SAFB2: variants seen among roughly 807,000 people sequenced by gnomAD.
SAFB2 encodes the protein scaffold attachment factor B2.
SAFB2 carries 32 observed loss-of-function variants against 100.6 expected under a neutral mutation model. That is an observed-to-expected ratio of 0.32 (90% CI 0.24 to 0.43). The LOEUF (loss-of-function observed/expected upper bound fraction) is 0.43. Ranked by LOEUF, SAFB2 falls within the 20% of genes least tolerant of loss-of-function variation. The pLI is 1.00. For synonymous variants in SAFB2, 500 were observed against 439.4 expected, an observed-to-expected ratio of 1.14 and a Z score of -1.72; for missense variants, 1,185 against 1,163.4, an observed-to-expected ratio of 1.02 and a Z score of -0.27.
In SAFB2 at chr19:5,587,373, T is replaced by C. The variant is rs770017959; in HGVS notation, c.2732A>G (p.His911Arg). Residue 911 changes from histidine (H) to arginine (R), a missense_variant, in exon 21 of 21, where the codon CAT becomes CGT. Around this residue, in one of 3 missense-constraint regions of SAFB2, gnomAD observed 740 missense variants for 687.1 expected, o/e 1.08. Transcript: ENST00000252542. The surrounding 1 kb of genome is among the most constrained non-coding windows in gnomAD (Gnocchi z 4.9). ...ACCTGGCACCACGTGGCCCTGGGAA[T>C]GTCCACCTTGTGCAAAGCCGCCTCG... Reference protein sequence around the residue: ...AGRGGFAQGGHSQGHVVPGGG... With the variant: ...AGRGGFAQGGRSQGHVVPGGG... 16 of 1,612,940 alleles carry C rather than the reference T, an allele frequency of 9.9e-6. No individual in the cohort carries two copies. The highest frequency in any genetic ancestry group is 1.7e-5 in the Admixed American group (1 of 59,874).
intron 2 of SAFB2, among the ~76,000 whole-genome samples, chr19:5,621,023 T>C (rs1035531438): frequency 3.9e-5 from 6 of 152,206 alleles, no homozygotes; most frequent in Admixed American, 3.9e-4. Context: ...CCCGTAGAAG[T>C]AGCTTTAAGA....
At chr19:5,618,348 C>G (rs188906061) in intron 2 of SAFB2, among the ~76,000 whole-genome samples, 2 of 151,832 alleles carry the variant, frequency 1.3e-5, no homozygotes, top group Admixed American at 6.6e-5. Context: ...GGCAACAGAG[C>G]GAGACTCCGT....
rs369176219 is a variant in SAFB2, at chr19:5,610,072, G to C, written c.1219C>G (p.Arg407Gly). 4 of 1,614,010 alleles carry C rather than the reference G, an allele frequency of 2.5e-6. No individual in the cohort carries two copies. In the African/African-American group the frequency reaches 5.3e-5, roughly 22 times the overall value. The change falls in exon 9 of 21, where the codon CGG becomes GGG. Residue 407 changes from arginine to glycine, a missense_variant. Transcript: ENST00000252542. ...EKGRVGSGSG[R>G]NLWVSGLSST... ...GACAGCCCGCTGACCCACAGGTTCC[G>C]ACCAGAACCGCTGCCGACCCGACCT... is the stretch of plus-strand genomic sequence containing the variant.
chr19:5,616,513 G>A lies in SAFB2; in HGVS notation c.275-27C>T, dbSNP rs766401009. 8 of 1,584,092 alleles carry A rather than the reference G, an allele frequency of 5.1e-6. No homozygotes were observed. The Admixed American group carries it at 1.2e-4, about 23-fold the overall frequency. ...TAATTACAGAATAATTGTTCAATCA[G>A]ATAACACTCAAGTTCTACCTCATAA... On this transcript the variant is annotated intron_variant, in intron 2 of 20. Transcript: ENST00000252542.
Position 5,593,829 on chromosome 19 carries a change from G to A in SAFB2, c.2207+62C>T, listed in dbSNP as rs1027994585. 12 of 1,374,468 alleles carry A rather than the reference G, an allele frequency of 8.7e-6. No homozygotes were observed. The African/African-American group carries it at 9.2e-5, about 11-fold the overall frequency. 85.1% of individuals were successfully genotyped at this position (1,374,468 alleles called of 1,614,324 possible). A position where few individuals can be genotyped will look rare whatever the true frequency, so the allele number is the denominator to read the frequency against. ...ACGGAAGGGAAGCCGCTGTTCTGCTGGAAGGGTGAACACCGCTGCCACGCT... is the reference window on the plus strand; with the variant it reads ...ACGGAAGGGAAGCCGCTGTTCTGCTAGAAGGGTGAACACCGCTGCCACGCT... On this transcript the variant is annotated intron_variant, in intron 15 of 20. Coordinates refer to ENST00000252542, the MANE Select transcript of SAFB2 (RefSeq NM_014649.3).
chr19:5,621,202 C>T, intron 2 of SAFB2, 107 bp downstream of exon 2: 2 of 763,496 alleles, frequency 2.6e-6, no homozygotes, highest in South Asian at 1.5e-5. Context: ...GGAGGGACAC[C>T]GAGTACCAGA....
rs771896894 is a variant in SAFB2 at position 5,622,748 on chromosome 19, C to G, written c.-33G>C. On this transcript the variant is annotated 5_prime_UTR_variant, in exon 1 of 21. Transcript: ENST00000252542. ...TTCCCGTCTTCGCCACCGACTCAGTCGCACACCGCCGGCAGCTATAGCGGC... is the reference window on the plus strand; with the variant it reads ...TTCCCGTCTTCGCCACCGACTCAGTGGCACACCGCCGGCAGCTATAGCGGC... The G allele has an allele frequency of 3.8e-6, 6 of 1,571,926 alleles. No individual in the cohort carries two copies. Among genetic ancestry groups the G allele is most frequent in the Non-Finnish European group, 5.2e-6 (6 of 1,164,002 alleles).
chr19:5,610,534 A>C (rs186465716), intron 8 of SAFB2, 105 bp downstream of exon 8: 2 of 849,720 alleles, frequency 2.4e-6, no homozygotes, highest in Non-Finnish European at 3.7e-6. Context: ...CCGGTAACCC[A>C]TAACAAAACA....
intron 2 of SAFB2, among the ~76,000 whole-genome samples, chr19:5,620,864 A>G (rs185349283): frequency 6.6e-6 from 1 of 152,346 alleles, no homozygotes; most frequent in Admixed American, 6.5e-5. Context: ...ATAGTAAAAA[A>G]TAGGCTGAGT....
chr19:5,620,579 A>G (rs1310084313), intron 2 of SAFB2, among the ~76,000 whole-genome samples: 1 of 152,282 alleles, frequency 6.6e-6, no homozygotes, highest in African/African-American at 2.4e-5. Context: ...GCAAATGGCC[A>G]TATGTTGTAC....
chr19:5,612,444 T>C, intron 6 of SAFB2, 96 bp downstream of exon 6: 2 of 1,153,398 alleles, frequency 1.7e-6, no homozygotes, highest in Non-Finnish European at 2.6e-6. Flanking sequence ...ATTAGAGCAA[T>C]TTACAAGATC....
chr19:5,590,290 G>T lies in SAFB2; in HGVS notation c.2513C>A (p.Pro838His). 1 of 1,599,404 alleles carries T rather than the reference G, an allele frequency of 6.3e-7. No homozygotes were observed. The highest frequency in any genetic ancestry group is 8.5e-7 in the Non-Finnish European group (1 of 1,174,142). Residue 838 changes from proline (P) to histidine (H), a missense_variant, in exon 18 of 21, where the codon CCC (proline) becomes CAC (histidine). Pro to His is a moderately conservative substitution (Grantham distance 77). This residue lies in a region of SAFB2 where 740 missense variants were observed against 687.1 expected (regional missense o/e 1.08). Coordinates refer to ENST00000252542, the MANE Select transcript of SAFB2 (RefSeq NM_014649.3). ...DKRLSEGRGL[P>H]PPPRGGRDWG... ...CTCACCCACTAACCTGGGGGGAGGG[G>T]GCAGCCCCCGGCCTTCACTCAGCCT... is the stretch of plus-strand genomic sequence containing the variant.
chr19:5,600,082 C>T, intron 12 of SAFB2, 48 bp downstream of exon 12: 2 of 1,582,650 alleles, frequency 1.3e-6, no homozygotes, highest in Non-Finnish European at 8.6e-7. Context: ...CCACTCCCCA[C>T]CCGTGCCAGG....
chr19:5,601,248 C>T (rs1324970015), intron 11 of SAFB2, among the ~76,000 whole-genome samples: 2 of 152,098 alleles, frequency 1.3e-5, no homozygotes, highest in African/African-American at 4.8e-5. Flanking sequence ...ATCTCATCTC[C>T]TCTCCCTCAT....
chr19:5,601,154 AAT>A (rs1252753466), intron 11 of SAFB2, among the ~76,000 whole-genome samples: 6 of 151,604 alleles, frequency 4.0e-5, no homozygotes, highest in Non-Finnish European at 5.9e-5. Flanking sequence ...CTTTAAAAAA[AAT>A]ATATATATAC....
rs1441862734 is a variant in SAFB2 at position 5,587,286 on chromosome 19, T to C, written c.2819A>G (p.His940Arg). ...QDRGSRVPHP[H>R]PHPPPYPHFT... Reference sequence around the variant, plus strand: ...GTGGGGGTACGGGGGGGGATGAGGGTGTGGGTGAGGGACTCTGCTGCCCCG... The same window carrying C: ...GTGGGGGTACGGGGGGGGATGAGGGCGTGGGTGAGGGACTCTGCTGCCCCG... Residue 940 changes from histidine to arginine, a missense_variant, in exon 21 of 21, where the codon CAC becomes CGC. Around this residue, in one of 3 missense-constraint regions of SAFB2, gnomAD observed 740 missense variants for 687.1 expected, o/e 1.08. Coordinates refer to ENST00000252542, the MANE Select transcript of SAFB2 (RefSeq NM_014649.3). The surrounding 1 kb of genome is among the most constrained non-coding windows in gnomAD (Gnocchi z 4.9). 1 of 1,606,080 alleles carries C rather than the reference T, an allele frequency of 6.2e-7. No homozygotes were observed. The highest frequency in any genetic ancestry group is 8.5e-7 in the Non-Finnish European group (1 of 1,177,498).
intron 2 of SAFB2, among the ~76,000 whole-genome samples, chr19:5,620,996 A>C (rs369906981): frequency 6.6e-6 from 1 of 152,226 alleles, no homozygotes; most frequent in African/African-American, 2.4e-5. Flanking sequence ...CCAAGTAGGT[A>C]CATTTGGTTC....
At position 5,597,913 on chromosome 19, in the gene SAFB2, T is replaced by A. The variant is rs139744279; in HGVS notation, c.1782+880A>T. On this transcript the variant is annotated intron_variant, in intron 13 of 20. Transcript: ENST00000252542. The stretch of plus-strand genomic sequence containing the variant: ...GGGAGGCTGAGGCGGGTGGATCACT[T>A]GAGGTCAGGAGTTCGAGACCAGCCT... Among the ~76,000 whole-genome samples the A allele has an allele frequency of 2.0e-3, 305 of 152,170 alleles. 1 individual carries two copies. The highest frequency in any genetic ancestry group is 6.0e-3 in the South Asian group (29 of 4,816).
rs2052787902 is a variant in SAFB2 at position 5,606,976 on chromosome 19, G to A, written c.1297-2040C>T. On this transcript the variant is annotated intron_variant, in intron 9 of 20. Coordinates refer to ENST00000252542, the MANE Select transcript of SAFB2 (RefSeq NM_014649.3). ...TTCTGGGTCTCTTTAAAATATAACT[G>A]TTTGGCTGGGCGTGGTGGCTCACGC... 2.0e-5 allele frequency among the ~76,000 whole-genome samples: 3 copies of A among 151,990 alleles called. No individual in the cohort carries two copies. In the South Asian group the frequency reaches 6.2e-4, roughly 32 times the overall value.
Sources: gnomAD v4.1 joint callset for allele counts (sites outside exome capture counted in the v4.1 genomes callset) on GRCh38, gnomAD v4.1.1 for gene constraint, gnomAD v4.1.1 regional missense constraint, Gnocchi (gnomAD v3.1) non-coding constraint, MANE v1.5 for transcripts, NCBI Gene and HGNC (gene_info 2026-07-23, HGNC 2026-07-21) for gene names.